TCF7L2: variants seen among roughly 807,000 people sequenced by gnomAD.
TCF7L2 encodes transcription factor 7 like 2, also known as transcription factor 7-like 2.
In TCF7L2, 23 loss-of-function variants were observed where a neutral mutation model predicts 77.9. The ratio of observed to expected loss-of-function variants is 0.30; its 90% CI spans 0.21 to 0.42. The LOEUF (loss-of-function observed/expected upper bound fraction) is 0.42. TCF7L2 is among the 10% of genes least tolerant of loss of function. TCF7L2 has a pLI of 1.00. For missense variants in TCF7L2, 654 were observed against 793.1 expected (o/e 0.82, Z 2.11); for synonymous variants, 413 against 340.2 (o/e 1.21, Z -2.36).
chr10:112,955,955 G>T (rs2033454447), intron 3 of TCF7L2, among the ~76,000 whole-genome samples: 1 of 151,682 alleles, frequency 6.6e-6, no homozygotes. Context: ...ATCCCACGAG[G>T]TGCCCCTGGC....
chr10:113,077,858 C>CTTATTTATTTAT (rs35452927), intron 5 of TCF7L2, among the ~76,000 whole-genome samples: 7 of 133,886 alleles, frequency 5.2e-5, no homozygotes, highest in Admixed American at 7.7e-5. Context: ...GCCTGGCTTG[C>CTTATTTATTTAT]TTATTTATTT....
chr10:113,094,123 A>G (rs2060684398), intron 5 of TCF7L2, among the ~76,000 whole-genome samples: 1 of 152,208 alleles, frequency 6.6e-6, no homozygotes, highest in South Asian at 2.1e-4. Flanking sequence ...AGGAGGGGGC[A>G]CATTATTGCT....
intron 5 of TCF7L2, among the ~76,000 whole-genome samples, chr10:113,052,704 A>G (rs2054675332): frequency 6.6e-6 from 1 of 152,186 alleles, no homozygotes; most frequent in African/African-American, 2.4e-5. Context: ...TGAGGACATG[A>G]CACATGGACC....
chr10:113,061,470 G>T (rs1712647668), intron 5 of TCF7L2, among the ~76,000 whole-genome samples: 1 of 152,204 alleles, frequency 6.6e-6, no homozygotes, highest in African/African-American at 2.4e-5. Flanking sequence ...AATCTCTCCA[G>T]TGACTTTTGA....
intron 4 of TCF7L2, among the ~76,000 whole-genome samples, chr10:112,989,056 A>T (rs1415135210): frequency 6.6e-6 from 1 of 151,976 alleles, no homozygotes; most frequent in Non-Finnish European, 1.5e-5. Flanking sequence ...TTGACATGCA[A>T]AGGGAGAGGC....
At chr10:113,133,588 C>T (rs779469452) in intron 5 of TCF7L2, among the ~76,000 whole-genome samples, 12 of 152,194 alleles carry the variant, frequency 7.9e-5, no homozygotes, top group Non-Finnish European at 1.5e-4. Context: ...TAGGTATTTG[C>T]ATGTGTGTGA....
At chr10:113,058,605 C>G (rs1195116406) in intron 5 of TCF7L2, among the ~76,000 whole-genome samples, 1 of 152,064 alleles carries the variant, frequency 6.6e-6, no homozygotes, top group Admixed American at 6.5e-5. Context: ...TGTCTCCAAT[C>G]TGAGCAATAA....
chr10:113,037,139 A>T (rs1345135346), intron 4 of TCF7L2, among the ~76,000 whole-genome samples: 2 of 152,208 alleles, frequency 1.3e-5, no homozygotes, highest in African/African-American at 2.4e-5. Context: ...ATTGTAGAAG[A>T]TGAAGGAAGC....
At chr10:113,030,043 A>G (rs1184692115) in intron 4 of TCF7L2, among the ~76,000 whole-genome samples, 1 of 152,084 alleles carries the variant, frequency 6.6e-6, no homozygotes, top group Non-Finnish European at 1.5e-5. Flanking sequence ...ATCATCCCCA[A>G]AAGAAACACT....
At chr10:113,075,860 A>G (rs1050071906) in intron 5 of TCF7L2, among the ~76,000 whole-genome samples, 3 of 152,190 alleles carry the variant, frequency 2.0e-5, no homozygotes, top group East Asian at 3.9e-4. Context: ...TAAAGACAGG[A>G]TCTTACAGCC....
intron 4 of TCF7L2, among the ~76,000 whole-genome samples, chr10:112,972,494 G>A (rs2038483250): frequency 6.6e-6 from 1 of 152,142 alleles, no homozygotes; most frequent in Admixed American, 6.5e-5. Context: ...TTTTGAGACA[G>A]GGTCTCACTC....
chr10:113,113,240 C>G (rs765608083), intron 5 of TCF7L2, among the ~76,000 whole-genome samples: 3 of 152,068 alleles, frequency 2.0e-5, no homozygotes, highest in Non-Finnish European at 2.9e-5. Context: ...CAGGAGCAGC[C>G]CAGTAATAGT....
chr10:113,016,718 C>T (rs568130393), intron 4 of TCF7L2, among the ~76,000 whole-genome samples: 1 of 151,824 alleles, frequency 6.6e-6, no homozygotes, highest in South Asian at 2.1e-4. Context: ...AGGAAAGGAA[C>T]ATCATGGGGC....
intron 11 of TCF7L2, among the ~76,000 whole-genome samples, chr10:113,152,793 C>G (rs545819620): frequency 3.3e-5 from 5 of 152,288 alleles, no homozygotes; most frequent in African/African-American, 1.2e-4. Flanking sequence ...GTTCCGCAGG[C>G]TCCTCAGCAG....
chr10:113,089,503 A>G, intron 5 of TCF7L2: 3 of 1,613,684 alleles, frequency 1.9e-6, no homozygotes, highest in Non-Finnish European at 2.5e-6. Flanking sequence ...AAAAGGAGCC[A>G]CTCCTTACAA....
intron 3 of TCF7L2, among the ~76,000 whole-genome samples, chr10:112,958,396 T>C (rs1425934174): frequency 3.9e-5 from 6 of 152,108 alleles, no homozygotes; most frequent in Non-Finnish European, 2.9e-5. Context: ...GCACTGTAAT[T>C]GTTCATGGTC....
chr10:112,973,525 A>C (rs1456968477), intron 4 of TCF7L2, among the ~76,000 whole-genome samples: 1 of 152,144 alleles, frequency 6.6e-6, no homozygotes, highest in Non-Finnish European at 1.5e-5. Flanking sequence ...ACACTGGATG[A>C]TTCTAATGCA....
At chr10:112,959,271 C>G (rs1564710302) in intron 3 of TCF7L2, among the ~76,000 whole-genome samples, 1 of 152,106 alleles carries the variant, frequency 6.6e-6, no homozygotes, top group African/African-American at 2.4e-5. Flanking sequence ...CGACTTTTTC[C>G]CCTTTTTTTC....
intron 5 of TCF7L2, among the ~76,000 whole-genome samples, chr10:113,094,211 A>G (rs943034484): frequency 2.0e-5 from 3 of 152,256 alleles, no homozygotes; most frequent in Non-Finnish European, 4.4e-5. Context: ...AGCTAGACAC[A>G]TAAACAGGGA....
Sources: allele counts gnomAD v4.1 joint callset (sites outside exome capture counted in the v4.1 genomes callset), GRCh38; gene constraint gnomAD v4.1.1; transcripts MANE v1.5; gene names NCBI Gene and HGNC (gene_info 2026-07-23, HGNC 2026-07-21).